The following TNR variants were observed in gnomAD, a reference collection of about 807,000 sequenced individuals.
The protein encoded by TNR is tenascin-R.
A neutral mutation model predicts 150.4 loss-of-function variants in TNR; 45 were observed. The observed-to-expected ratio is 0.30, with a 90% confidence interval of 0.24 to 0.38. The LOEUF (loss-of-function observed/expected upper bound fraction) is 0.38, where lower values mean the gene tolerates loss of function less well. Among genes scored for constraint, TNR ranks in the 10% least tolerant of loss-of-function variants. The pLI, the probability that TNR is intolerant of heterozygous loss-of-function variation, is 1.00. For missense variants in TNR, 1,544 were observed against 1,759.1 expected, an observed-to-expected ratio of 0.88 and a Z score of 2.19; for synonymous variants, 687 against 678.4, an observed-to-expected ratio of 1.01 and a Z score of -0.20.
At chr1:175,403,023 A>T in intron 4 of TNR, 117 bp downstream of exon 4, 1 of 871,962 alleles carries the variant, frequency 1.1e-6, no homozygotes, top group Non-Finnish European at 1.8e-6. Flanking sequence ...CTCAATTGAG[A>T]ATTATTTTGC....
chr1:175,469,141 C>T (rs540676369), intron 2 of TNR, among the ~76,000 whole-genome samples: 4 of 152,132 alleles, frequency 2.6e-5, no homozygotes, highest in South Asian at 2.1e-4. Flanking sequence ...TTGAGTCTGA[C>T]GGACCTACGA....
chr1:175,348,000 C>T (rs553846908), intron 18 of TNR, among the ~76,000 whole-genome samples: 1 of 151,932 alleles, frequency 6.6e-6, no homozygotes, highest in East Asian at 1.9e-4. Flanking sequence ...AAAACATTTA[C>T]CTAAAAAAAT....
Position 175,393,876 on chromosome 1 carries a change from C to T in TNR, c.1260G>A (p.Gly420=), listed in dbSNP as rs780408427. The change falls in exon 6 of 23, where the codon GGG becomes GGA. Residue 420 remains glycine (G), a synonymous_variant. Transcript: ENST00000367674. ...TCTCTGTGATCGTCTTAAATTGTAGCCCTTGAGGAGTGGAGAGATCTGGAA... is the reference window on the plus strand; with the variant it reads ...TCTCTGTGATCGTCTTAAATTGTAGTCCTTGAGGAGTGGAGAGATCTGGAA... ...KVATHLSTPQ[G]LQFKTITETT... is the part of the protein sequence containing the mutation. 2 of 1,614,074 alleles carry T rather than the reference C, an allele frequency of 1.2e-6. No individual in the cohort carries two copies. The highest frequency in any genetic ancestry group is 2.2e-5 in the South Asian group (2 of 91,078).
At chr1:175,345,393 C>T (rs1650733834) in intron 18 of TNR, among the ~76,000 whole-genome samples, 4 of 151,974 alleles carry the variant, frequency 2.6e-5, no homozygotes, top group Admixed American at 2.6e-4. Context: ...AAGACCACAA[C>T]CATTATGAGA....
rs140937852 is a variant in TNR, at chr1:175,359,041, T to A, written c.2974+571A>T. On this transcript the variant is annotated intron_variant, in intron 15 of 22. Coordinates refer to ENST00000367674, the MANE Select transcript of TNR (RefSeq NM_003285.3). The stretch of plus-strand genomic sequence containing the variant: ...TCTTCCTAGGGCTATTGCTCTGTTT[T>A]TGTACTTGCCCTTGGTTACATGCCT... 2.9e-3 allele frequency among the ~76,000 whole-genome samples: 447 copies of A among 151,996 alleles called. 1 individual carries two copies. Among genetic ancestry groups the A allele is most frequent in the Middle Eastern group, 0.017 (5 of 294 alleles).
At chr1:175,570,419 G>C (rs1318854809) in intron 1 of TNR, among the ~76,000 whole-genome samples, 1 of 152,156 alleles carries the variant, frequency 6.6e-6, no homozygotes, top group African/African-American at 2.4e-5. Flanking sequence ...TTACCACTTG[G>C]AGAGGGTGTG....
chr1:175,494,943 G>A (rs373493744), intron 2 of TNR, among the ~76,000 whole-genome samples: 20 of 152,272 alleles, frequency 1.3e-4, no homozygotes, highest in East Asian at 9.7e-4. Context: ...CAGAGGAGTC[G>A]AAAACGGGTC....
intron 18 of TNR, among the ~76,000 whole-genome samples, chr1:175,340,560 G>T (rs944834776): frequency 6.6e-6 from 1 of 152,154 alleles, no homozygotes; most frequent in East Asian, 1.9e-4. Flanking sequence ...GCTCACTAAT[G>T]GTTCTCAGAC....
intron 1 of TNR, among the ~76,000 whole-genome samples, chr1:175,703,243 G>A (rs913753223): frequency 4.6e-5 from 7 of 152,182 alleles, no homozygotes; most frequent in Non-Finnish European, 1.0e-4. Flanking sequence ...AAAACAATTA[G>A]TAATGCAATC....
intron 1 of TNR, among the ~76,000 whole-genome samples, chr1:175,591,836 A>G (rs950224522): frequency 6.6e-6 from 1 of 152,322 alleles, no homozygotes; most frequent in African/African-American, 2.4e-5. Context: ...GACAAGCAAT[A>G]TGAGGGAATG....
At position 175,503,767 on chromosome 1, in the gene TNR, A is replaced by G. The variant is rs78489850; in HGVS notation, c.-64+24502T>C. On this transcript the variant is annotated intron_variant, in intron 2 of 22. Transcript: ENST00000367674. ...TGCAGAGAGTAAATTAAGGGGAATG[A>G]AACTCCTGTAACAGATCCTGGGAGG... Among the ~76,000 whole-genome samples, 158 of 152,328 alleles carry G rather than the reference A, an allele frequency of 1.0e-3. 2 individuals carry two copies. The East Asian group carries it at 0.024, about 23-fold the overall frequency.
intron 1 of TNR, among the ~76,000 whole-genome samples, chr1:175,709,465 T>G (rs1161568146): frequency 6.6e-6 from 1 of 152,194 alleles, no homozygotes; most frequent in Non-Finnish European, 1.5e-5. Flanking sequence ...ATTTATTAAT[T>G]AGGTTTCTGT....
At chr1:175,579,152 C>T (rs1662238318) in intron 1 of TNR, among the ~76,000 whole-genome samples, 1 of 146,640 alleles carries the variant, frequency 6.8e-6, no homozygotes, top group African/African-American at 2.5e-5. Context: ...CCTATCCTTC[C>T]CTTCGTTCCT....
chr1:175,506,389 G>C (rs751485685), intron 2 of TNR, among the ~76,000 whole-genome samples: 2 of 152,144 alleles, frequency 1.3e-5, no homozygotes, highest in Non-Finnish European at 2.9e-5. Flanking sequence ...AAACTAAATC[G>C]TGTCCCCCCA....
chr1:175,345,998 C>G (rs946209089), intron 18 of TNR, among the ~76,000 whole-genome samples: 1 of 152,074 alleles, frequency 6.6e-6, no homozygotes, highest in Non-Finnish European at 1.5e-5. Context: ...AATGGCAACA[C>G]TGCATTTGAG....
intron 2 of TNR, among the ~76,000 whole-genome samples, chr1:175,442,976 A>C (rs1655864890): frequency 6.7e-6 from 1 of 148,874 alleles, no homozygotes; most frequent in Admixed American, 6.6e-5. Context: ...AATAAGTGTG[A>C]AATGGGTTGT....
intron 20 of TNR, among the ~76,000 whole-genome samples, chr1:175,333,027 A>T (rs1650025857): frequency 6.6e-6 from 1 of 152,202 alleles, no homozygotes; most frequent in South Asian, 2.1e-4. Flanking sequence ...GTTTTGTTCT[A>T]GTGTTTTAGT....
intron 1 of TNR, among the ~76,000 whole-genome samples, chr1:175,544,027 T>C (rs1248885325): frequency 1.3e-5 from 2 of 152,048 alleles, no homozygotes; most frequent in African/African-American, 4.8e-5. Context: ...GGGCAGAGGG[T>C]GCAAGACAGA....
intron 1 of TNR, among the ~76,000 whole-genome samples, chr1:175,640,050 C>G (rs896284907): frequency 4.6e-5 from 7 of 152,206 alleles, no homozygotes; most frequent in South Asian, 2.1e-4. Context: ...AGCATTACCC[C>G]AAGAAATATT....
Sources: allele counts gnomAD v4.1 joint callset (sites outside exome capture counted in the v4.1 genomes callset), GRCh38; gene constraint gnomAD v4.1.1; transcripts MANE v1.5; gene names NCBI Gene and HGNC (gene_info 2026-07-23, HGNC 2026-07-21).